TCF12: variants seen among roughly 807,000 people sequenced by gnomAD.
The protein encoded by TCF12 is DNA-binding protein HTF4.
In TCF12, 45 loss-of-function variants were observed where a neutral mutation model predicts 86.0. The observed-to-expected ratio is 0.52, with a 90% CI of 0.41 to 0.67. TCF12 has a LOEUF of 0.67. Among genes scored for constraint, TCF12 ranks in the 30% least tolerant of loss-of-function variants. The probability of loss-of-function intolerance (pLI) is 0.00; values close to 1 mark genes in which losing one functional copy is unlikely to be tolerated. For missense variants in TCF12, 881 were observed against 859.9 expected (o/e 1.02, Z -0.31); for synonymous variants, 330 against 299.6 (o/e 1.10, Z -1.05).
intron 4 of TCF12, among the ~76,000 whole-genome samples, chr15:57,075,840 T>G (rs1295914670): frequency 1.9e-5 from 1 of 51,524 alleles, no homozygotes; most frequent in Admixed American, 3.0e-4. Context: ...CTCTCTTTTC[T>G]TTCTTTCTTT....
At chr15:57,265,305 A>T (rs1277240415) in intron 18 of TCF12, among the ~76,000 whole-genome samples, 1 of 151,886 alleles carries the variant, frequency 6.6e-6, no homozygotes, top group African/African-American at 2.4e-5. Context: ...GGTTTTCTCT[A>T]AGTACTCCGG....
intron 8 of TCF12, among the ~76,000 whole-genome samples, chr15:57,214,571 G>C (rs1406835046): frequency 6.6e-6 from 1 of 152,132 alleles, no homozygotes; most frequent in Non-Finnish European, 1.5e-5. Context: ...TTAGACTTGA[G>C]ATATTTGTAA....
intron 16 of TCF12, 138 bp downstream of exon 16, chr15:57,253,606 G>A (rs1480390952): frequency 8.3e-6 from 8 of 969,086 alleles, no homozygotes; most frequent in Non-Finnish European, 1.1e-5. Flanking sequence ...ACTGTCTTTG[G>A]CAGTAAAGTA....
rs530268863 is a variant in TCF12, at chr15:57,120,644, A to AT, written c.325+28760dup. Among the ~76,000 whole-genome samples, 95 of 152,236 alleles carry AT rather than the reference A, an allele frequency of 6.2e-4. 1 individual carries two copies. Among genetic ancestry groups the AT allele is most frequent in the Admixed American group, 6.0e-3 (92 of 15,298 alleles). On this transcript the variant is annotated intron_variant, in intron 5 of 20. Transcript: ENST00000333725. ...ATTATATGGACAATTATATTTCTAT[A>AT]TTTTTTTGCTATGCCCCACCATATC...
At chr15:56,974,644 A>G (rs769825160) in intron 3 of TCF12, among the ~76,000 whole-genome samples, 2 of 152,100 alleles carry the variant, frequency 1.3e-5, no homozygotes, top group Non-Finnish European at 2.9e-5. Flanking sequence ...ATTTACAGCA[A>G]TCCTAGAGGT....
intron 3 of TCF12, among the ~76,000 whole-genome samples, chr15:57,017,217 A>T (rs2065202825): frequency 6.6e-6 from 1 of 152,160 alleles, no homozygotes; most frequent in African/African-American, 2.4e-5. Flanking sequence ...AGGGCCTCGT[A>T]GCCCCATGTA....
chr15:57,141,675 AAC>A (rs1191254278), intron 5 of TCF12, among the ~76,000 whole-genome samples: 3 of 152,204 alleles, frequency 2.0e-5, no homozygotes, highest in African/African-American at 4.8e-5. Flanking sequence ...TAATTAAATT[AAC>A]AGTTATTTCA....
intron 6 of TCF12, among the ~76,000 whole-genome samples, chr15:57,187,877 C>A (rs2056764670): frequency 6.6e-6 from 1 of 152,028 alleles, no homozygotes; most frequent in Non-Finnish European, 1.5e-5. Context: ...TTGCAGTGAG[C>A]CATGATTGTG....
chr15:57,114,982 C>T (rs1212163924), intron 5 of TCF12, among the ~76,000 whole-genome samples: 1 of 151,606 alleles, frequency 6.6e-6, no homozygotes, highest in Admixed American at 6.6e-5. Context: ...GTTTATTTTG[C>T]TCTCTGTTTA....
chr15:57,193,927 T>G (rs1318316723), intron 7 of TCF12, among the ~76,000 whole-genome samples: 6 of 152,186 alleles, frequency 3.9e-5, no homozygotes, highest in Non-Finnish European at 7.3e-5. Context: ...AAGGATAAAT[T>G]GTAAATGCAT....
chr15:57,261,849 T>A (rs540527332), intron 16 of TCF12, among the ~76,000 whole-genome samples: 1 of 152,210 alleles, frequency 6.6e-6, no homozygotes, highest in African/African-American at 2.4e-5. Flanking sequence ...GATTTAAAAT[T>A]TACAAATTAG....
chr15:56,945,080 T>C (rs2060936879), intron 3 of TCF12, among the ~76,000 whole-genome samples: 1 of 152,180 alleles, frequency 6.6e-6, no homozygotes, highest in Admixed American at 6.6e-5. Context: ...CCTAAGAGTT[T>C]TTACGTTCTT....
intron 8 of TCF12, among the ~76,000 whole-genome samples, chr15:57,209,435 A>T (rs1386176794): frequency 1.3e-5 from 2 of 152,304 alleles, no homozygotes; most frequent in South Asian, 4.2e-4. Flanking sequence ...CGCGAAAGAA[A>T]AGTATGGAAA....
intron 5 of TCF12, among the ~76,000 whole-genome samples, chr15:57,134,104 T>G (rs2052348897): frequency 6.6e-6 from 1 of 152,216 alleles, no homozygotes; most frequent in Non-Finnish European, 1.5e-5. Context: ...AATTATTTAT[T>G]AGGTTCTTTT....
chr15:57,219,090 C>G, intron 8 of TCF12: 3 of 1,057,214 alleles, frequency 2.8e-6, no homozygotes, highest in Non-Finnish European at 3.4e-6. Context: ...CTAGGTTTCT[C>G]TGCCACAAGT....
intron 3 of TCF12, among the ~76,000 whole-genome samples, chr15:56,974,402 T>A (rs2062496621): frequency 1.3e-5 from 2 of 152,118 alleles, no homozygotes; most frequent in South Asian, 4.1e-4. Context: ...GTGAAGACTC[T>A]ATGGGGATTC....
At chr15:57,104,435 C>CCT (rs1377345962) in intron 5 of TCF12, among the ~76,000 whole-genome samples, 1 of 103,362 alleles carries the variant, frequency 9.7e-6, no homozygotes, top group African/African-American at 3.4e-5. Flanking sequence ...TTTTTTTTTT[C>CCT]TTTTTTTTTT....
chr15:57,223,411 C>T (rs148056773), intron 8 of TCF12, among the ~76,000 whole-genome samples: 11 of 151,984 alleles, frequency 7.2e-5, no homozygotes, highest in African/African-American at 2.4e-4. Context: ...GGAAAGAAAA[C>T]GTAACTGGGA....
intron 3 of TCF12, among the ~76,000 whole-genome samples, chr15:57,007,961 GTCTC>G (rs374353255): frequency 2.3e-4 from 29 of 126,030 alleles, no homozygotes; most frequent in African/African-American, 5.7e-4. Context: ...CTTTCTCTCT[GTCTC>G]TCTCTCTCTC....
Sources: gnomAD v4.1 joint callset for allele counts (sites outside exome capture counted in the v4.1 genomes callset) on GRCh38, gnomAD v4.1.1 for gene constraint, MANE v1.5 for transcripts, NCBI Gene and HGNC (gene_info 2026-07-23, HGNC 2026-07-21) for gene names.